The following RAPGEF5 variants were observed in gnomAD, a reference collection of about 807,000 sequenced individuals.
RAPGEF5 encodes M-Ras-regulated GEF.
Under a neutral mutation model 125.2 loss-of-function variants are expected in RAPGEF5, and 65 were observed. That is an observed-to-expected ratio of 0.52 (90% CI 0.43 to 0.64). The LOEUF (loss-of-function observed/expected upper bound fraction) is 0.64, where lower values mean the gene tolerates loss of function less well. RAPGEF5 is among the 30% of genes least tolerant of loss of function. The pLI is 0.00. For synonymous variants in RAPGEF5, 391 were observed against 385.9 expected, an observed-to-expected ratio of 1.01 and a Z score of -0.16; for missense variants, 958 against 1,048.1, an observed-to-expected ratio of 0.91 and a Z score of 1.19.
intron 24 of RAPGEF5, among the ~76,000 whole-genome samples, chr7:22,127,474 C>A (rs1208508662): frequency 6.6e-6 from 1 of 152,184 alleles, no homozygotes. Flanking sequence ...GAAGCATATA[C>A]GTATATGCCA....
At chr7:22,203,497 C>T (rs1372140327) in intron 9 of RAPGEF5, among the ~76,000 whole-genome samples, 3 of 152,204 alleles carry the variant, frequency 2.0e-5, no homozygotes, top group Non-Finnish European at 4.4e-5. Context: ...GTTGGCATGA[C>T]TGGAATATAC....
chr7:22,314,698 T>C, intron 3 of RAPGEF5: 1 of 869,276 alleles, frequency 1.2e-6, no homozygotes, highest in Non-Finnish European at 1.4e-6. Context: ...TTCATAGTTT[T>C]GGTATCATTT....
intron 24 of RAPGEF5, among the ~76,000 whole-genome samples, chr7:22,128,762 G>T (rs1449974916): frequency 6.6e-6 from 1 of 152,224 alleles, no homozygotes; most frequent in Non-Finnish European, 1.5e-5. Flanking sequence ...CCTGCCCTCT[G>T]AGGAAATGAA....
At chr7:22,302,057 G>A (rs750514146) in intron 5 of RAPGEF5, among the ~76,000 whole-genome samples, 3 of 152,164 alleles carry the variant, frequency 2.0e-5, no homozygotes, top group Non-Finnish European at 4.4e-5. Context: ...TAAGTAAGTC[G>A]CTCCACAGAG....
At chr7:22,316,485 ATATATTTTTT>A (rs1242336701) in intron 2 of RAPGEF5, among the ~76,000 whole-genome samples, 24 of 29,590 alleles carry the variant, frequency 8.1e-4, no homozygotes, top group Non-Finnish European at 1.5e-3. Flanking sequence ...ATATATATAT[ATATATTTTTT>A]TTTTTTTTTT....
At chr7:22,123,861 G>A (rs1407543707) in intron 25 of RAPGEF5, among the ~76,000 whole-genome samples, 1 of 152,180 alleles carries the variant, frequency 6.6e-6, no homozygotes, top group Non-Finnish European at 1.5e-5. Flanking sequence ...CACAATGAAT[G>A]GTTCTAACCA....
intron 1 of RAPGEF5, among the ~76,000 whole-genome samples, chr7:22,322,697 C>T (rs972196334): frequency 2.2e-4 from 34 of 152,122 alleles, no homozygotes; most frequent in Admixed American, 2.0e-3. Context: ...CGGCTAGACC[C>T]AGCAGTTCTC....
chr7:22,327,700 TTAAA>T (rs1184644789), intron 1 of RAPGEF5, among the ~76,000 whole-genome samples: 3 of 152,236 alleles, frequency 2.0e-5, no homozygotes, highest in Non-Finnish European at 4.4e-5. Flanking sequence ...TTCTACCTCT[TTAAA>T]TGAGTGAAAT....
chr7:22,178,230 T>G (rs1784569309), intron 11 of RAPGEF5, among the ~76,000 whole-genome samples: 1 of 152,190 alleles, frequency 6.6e-6, no homozygotes, highest in Non-Finnish European at 1.5e-5. Context: ...AAAAAAATTG[T>G]TTACAAAAGG....
intron 7 of RAPGEF5, among the ~76,000 whole-genome samples, chr7:22,265,664 T>A (rs369796663): frequency 9.0e-4 from 119 of 132,330 alleles, no homozygotes; most frequent in African/African-American, 3.4e-3. Context: ...CTGTTTCCCA[T>A]AGTGGCTGTA....
intron 1 of RAPGEF5, among the ~76,000 whole-genome samples, chr7:22,338,287 G>A (rs1373575377): frequency 2.0e-5 from 3 of 152,158 alleles, no homozygotes; most frequent in Non-Finnish European, 4.4e-5. Context: ...CTCTAACTCT[G>A]GTGGGTAGAC....
Position 22,122,504 on chromosome 7 carries a change from C to G in RAPGEF5, c.2554G>C (p.Glu852Gln). ...ACATAGGACTTTAACTCTTGATGCT[C>G]TTTTGGAGACAGGTCACCTGTTGTT... ...TNQFGDLSPK[E>Q]HQELKSYVNH... Residue 852 changes from glutamate to glutamine, a missense_variant, in exon 26 of 26, where the codon GAG becomes CAG. Coordinates refer to ENST00000665637, the MANE Select transcript of RAPGEF5 (RefSeq NM_012294.5). 6.2e-7 allele frequency: 1 copy of G among 1,613,254 alleles called. No homozygotes were observed. Among genetic ancestry groups the G allele is most frequent in the Non-Finnish European group, 8.5e-7 (1 of 1,179,386 alleles).
rs749049408 is a variant in RAPGEF5 at position 22,125,617 on chromosome 7, C to T, written c.2523G>A (p.Arg841=). 10 of 1,612,028 alleles carry T rather than the reference C, an allele frequency of 6.2e-6. No individual in the cohort carries two copies. The South Asian group carries it at 1.1e-4, about 18-fold the overall frequency. ...TCAATTACTCACCAAACTGGTTAGTCCTGCAGTGTCTCAGGGTTCGGACAG... is the reference window on the plus strand; with the variant it reads ...TCAATTACTCACCAAACTGGTTAGTTCTGCAGTGTCTCAGGGTTCGGACAG... ...ADTVRTLRHC[R]TNQFGDLSPK... is the part of the protein sequence containing the mutation. Residue 841 remains arginine (R), a synonymous_variant, in exon 25 of 26, where the codon AGG becomes AGA. Coordinates refer to ENST00000665637, the MANE Select transcript of RAPGEF5 (RefSeq NM_012294.5).
Position 22,310,065 on chromosome 7 carries a change from C to T in RAPGEF5, c.415G>A (p.Val139Ile), listed in dbSNP as rs1161916229. 2 of 1,588,154 alleles carry T rather than the reference C, an allele frequency of 1.3e-6. No homozygotes were observed. The highest frequency in any genetic ancestry group is 8.5e-7 in the Non-Finnish European group (1 of 1,170,130). Residue 139 changes from valine to isoleucine, a missense_variant, in exon 4 of 26, where the codon GTA (valine) becomes ATA (isoleucine). By Grantham distance (29) the Val-to-Ile change is conservative (BLOSUM62 3). Transcript: ENST00000665637. ...GGACAGTGTTCTAGAAGCCAGTCTACCAGCTCTGACCCAACGCAGCTCCTC... is the reference window on the plus strand; with the variant it reads ...GGACAGTGTTCTAGAAGCCAGTCTATCAGCTCTGACCCAACGCAGCTCCTC... ...YRRSCVGSEL[V>I]DWLLEHCPFV...
chr7:22,318,986 C>A (rs1783660259), intron 1 of RAPGEF5, among the ~76,000 whole-genome samples: 1 of 152,134 alleles, frequency 6.6e-6, no homozygotes, highest in African/African-American at 2.4e-5. Context: ...TTTATTTTTT[C>A]TATTCATTTA....
chr7:22,193,044 T>C (rs1583469001), intron 11 of RAPGEF5: 4 of 386,996 alleles, frequency 1.0e-5, no homozygotes, highest in African/African-American at 4.0e-5. Context: ...TGTATTTCTT[T>C]CCATTGAACA....
At chr7:22,266,880 C>A (rs1782294985) in intron 7 of RAPGEF5, 84 bp downstream of exon 7, 13 of 1,342,398 alleles carry the variant, frequency 9.7e-6, no homozygotes, top group Non-Finnish European at 1.2e-5. Context: ...TCCTGAGATA[C>A]ACTCAACTGC....
intron 9 of RAPGEF5, among the ~76,000 whole-genome samples, chr7:22,195,776 G>A (rs1314666317): frequency 6.6e-6 from 1 of 152,082 alleles, no homozygotes; most frequent in Non-Finnish European, 1.5e-5. Flanking sequence ...GCAGAATGAG[G>A]GTCTGGGATG....
intron 20 of RAPGEF5, among the ~76,000 whole-genome samples, chr7:22,142,843 C>T (rs747925301): frequency 2.0e-5 from 3 of 152,226 alleles, no homozygotes; most frequent in Non-Finnish European, 4.4e-5. Flanking sequence ...GCAGGAAAAA[C>T]GCTTCATGAT....
Sources: allele counts gnomAD v4.1 joint callset (sites outside exome capture counted in the v4.1 genomes callset), GRCh38; gene constraint gnomAD v4.1.1; transcripts MANE v1.5; gene names NCBI Gene and HGNC (gene_info 2026-07-23, HGNC 2026-07-21).